SREK1IP1: variants seen among roughly 807,000 people sequenced by gnomAD.
The protein encoded by SREK1IP1 is protein SREK1IP1.
SREK1IP1 carries 12 observed loss-of-function variants against 22.8 expected under a neutral mutation model. The observed-to-expected ratio is 0.53, with a 90% CI of 0.34 to 0.85. The LOEUF is 0.85. SREK1IP1 is among the 40% of genes least tolerant of loss of function. The pLI, the probability that SREK1IP1 is intolerant of heterozygous loss-of-function variation, is 0.02. For synonymous variants in SREK1IP1, 53 were observed against 52.7 expected, an observed-to-expected ratio of 1.01 and a Z score of -0.02; for missense variants, 147 against 171.8, an observed-to-expected ratio of 0.86 and a Z score of 0.81.
At chr5:64,761,605 GA>G (rs1742953399) in intron 1 of SREK1IP1, among the ~76,000 whole-genome samples, 1 of 152,148 alleles carries the variant, frequency 6.6e-6, no homozygotes, top group Non-Finnish European at 1.5e-5. Flanking sequence ...CCTAAACATT[GA>G]AAAGGTACAG....
chr5:64,747,903 A>G (rs1230151991), intron 2 of SREK1IP1, among the ~76,000 whole-genome samples: 1 of 152,032 alleles, frequency 6.6e-6, no homozygotes, highest in East Asian at 1.9e-4. Context: ...ACTGCACTCC[A>G]GCCTGGGTGA....
At chr5:64,727,553 A>ATATATAT in intron 4 of SREK1IP1, 1 of 84,682 alleles carries the variant, frequency 1.2e-5, no homozygotes, top group African/African-American at 5.5e-5. Flanking sequence ...ATATATATAT[A>ATATATAT]TTTTTTTTTT....
At chr5:64,740,531 C>G (rs1195315171) in intron 3 of SREK1IP1, among the ~76,000 whole-genome samples, 2 of 152,054 alleles carry the variant, frequency 1.3e-5, no homozygotes, top group Non-Finnish European at 1.5e-5. Flanking sequence ...AAGGAAATAC[C>G]TGGGGAGCTG....
chr5:64,748,818 A>T (rs1742687931), intron 2 of SREK1IP1, among the ~76,000 whole-genome samples: 1 of 152,174 alleles, frequency 6.6e-6, no homozygotes, highest in South Asian at 2.1e-4. Context: ...AAGTGCCAGC[A>T]GAGGTTTGTA....
rs919747809 is a variant in SREK1IP1, at chr5:64,722,289, G to A, written c.*2095C>T. On this transcript the variant is annotated 3_prime_UTR_variant, in exon 5 of 5. Coordinates refer to ENST00000513458, the MANE Select transcript of SREK1IP1 (RefSeq NM_173829.4). ...CGAGGACTGACTTTTGCTCTTCTCA[G>A]TCATTATTGTGTCACCATTCAGAAA... 6.6e-6 allele frequency: 1 copy of A among 151,984 alleles called. No homozygotes were observed. The highest frequency in any genetic ancestry group is 1.5e-5 in the Non-Finnish European group (1 of 67,978). The allele number at this position is 151,984 out of a possible 1,614,324, so 9.4% of individuals were successfully genotyped here.
intron 2 of SREK1IP1, among the ~76,000 whole-genome samples, chr5:64,751,366 A>C (rs1175860239): frequency 6.6e-6 from 1 of 152,244 alleles, no homozygotes. Flanking sequence ...GGTCAACAAA[A>C]TATAAATGTG....
intron 3 of SREK1IP1, among the ~76,000 whole-genome samples, chr5:64,730,997 G>C (rs1742368269): frequency 6.6e-6 from 1 of 152,162 alleles, no homozygotes; most frequent in South Asian, 2.1e-4. Context: ...GAATGAAAGT[G>C]GTGGGTCAAT....
chr5:64,748,414 C>G (rs1421949605), intron 2 of SREK1IP1, among the ~76,000 whole-genome samples: 2 of 152,076 alleles, frequency 1.3e-5, no homozygotes, highest in African/African-American at 4.8e-5. Flanking sequence ...GATGGCTTTA[C>G]AACATTGTGA....
In SREK1IP1 at chr5:64,748,137, T is replaced by C. The variant is rs988741582; in HGVS notation, c.61+6178A>G. 1.2e-4 allele frequency among the ~76,000 whole-genome samples: 18 copies of C among 152,192 alleles called. 1 individual carries two copies. Among genetic ancestry groups the C allele is most frequent in the Admixed American group, 1.2e-3 (18 of 15,286 alleles). Reference sequence around the variant, plus strand: ...TGGAATGGATAAACAAAATGTGGTATATACATATAGAGAAATAATCCAGCC... The same window carrying C: ...TGGAATGGATAAACAAAATGTGGTACATACATATAGAGAAATAATCCAGCC... On this transcript the variant is annotated intron_variant, in intron 2 of 4. Coordinates refer to ENST00000513458, the MANE Select transcript of SREK1IP1 (RefSeq NM_173829.4).
chr5:64,763,340 C>T (rs964304110), intron 1 of SREK1IP1, among the ~76,000 whole-genome samples: 37 of 152,098 alleles, frequency 2.4e-4, no homozygotes, highest in African/African-American at 7.7e-4. Context: ...AGATCTAGAC[C>T]ATCCTGGCTA....
Position 64,722,714 on chromosome 5 carries a change from T to C in SREK1IP1, c.*1670A>G, listed in dbSNP as rs1742190771. The C allele has an allele frequency of 6.6e-6, 1 of 152,206 alleles. No individual in the cohort carries two copies. The highest frequency in any genetic ancestry group is 1.9e-4 in the East Asian group (1 of 5,196). The allele number at this position is 152,206 out of a possible 1,614,324, so 9.4% of individuals were successfully genotyped here. On this transcript the variant is annotated 3_prime_UTR_variant, in exon 5 of 5. Transcript: ENST00000513458. ...CTATTTAAACAAAAGCATTTCCTTT[T>C]GAGAGGCCCAAATGACTAAATTAGG...
At chr5:64,744,764 A>T (rs980239738) in intron 2 of SREK1IP1, among the ~76,000 whole-genome samples, 1 of 152,194 alleles carries the variant, frequency 6.6e-6, no homozygotes, top group Admixed American at 6.5e-5. Flanking sequence ...AATTTTTAAC[A>T]TTAATTTCTT....
intron 3 of SREK1IP1, among the ~76,000 whole-genome samples, chr5:64,729,448 A>G (rs1742338484): frequency 6.6e-6 from 1 of 152,222 alleles, no homozygotes; most frequent in Admixed American, 6.5e-5. Flanking sequence ...GCAACTATGA[A>G]TAAGAATGAA....
chr5:64,753,951 C>A (rs1053243171), intron 2 of SREK1IP1, among the ~76,000 whole-genome samples: 11 of 152,156 alleles, frequency 7.2e-5, no homozygotes, highest in Non-Finnish European at 1.2e-4. Flanking sequence ...AAAAAATCTT[C>A]ATAAATAGTT....
chr5:64,728,297 T>C (rs573906247), intron 3 of SREK1IP1, 118 bp from the exon 4 acceptor site: 24 of 967,208 alleles, frequency 2.5e-5, no homozygotes, highest in Middle Eastern at 2.8e-4. Flanking sequence ...TAGGATAATT[T>C]TTGTAATAAT....
chr5:64,754,251 T>C (rs1286747820), intron 2 of SREK1IP1, 64 bp downstream of exon 2: 1 of 1,508,542 alleles, frequency 6.6e-7, no homozygotes, highest in Admixed American at 1.7e-5. Context: ...TACATTATAT[T>C]GCCCAAAGAG....
At chr5:64,748,510 A>T (rs968584584) in intron 2 of SREK1IP1, among the ~76,000 whole-genome samples, 7 of 152,360 alleles carry the variant, frequency 4.6e-5, no homozygotes, top group South Asian at 2.1e-4. Context: ...ACAATTTTTT[A>T]AAAAAGCAAA....
rs1361504486 is a variant in SREK1IP1 at position 64,724,574 on chromosome 5, C to G, written c.279-1G>C. 2 of 1,552,082 alleles carry G rather than the reference C, an allele frequency of 1.3e-6. No homozygotes were observed. Among genetic ancestry groups the G allele is most frequent in the African/African-American group, 2.8e-5 (2 of 71,726 alleles). On this transcript the variant is annotated splice_acceptor_variant, in intron 4 of 4. Transcript: ENST00000513458. LOFTEE classifies it high-confidence loss of function. ...TTCAGTGGAACTGGATGAGTAAGAC[C>G]TATGGATAATAATACATACTGACTG...
chr5:64,727,836 T>C (rs1742301933), intron 4 of SREK1IP1: 1 of 204,424 alleles, frequency 4.9e-6, no homozygotes. Context: ...GCATGAGCCA[T>C]CGCACCTGGA....
Sources: allele counts gnomAD v4.1 joint callset (sites outside exome capture counted in the v4.1 genomes callset), GRCh38; gene constraint gnomAD v4.1.1; transcripts MANE v1.5; gene names NCBI Gene and HGNC (gene_info 2026-07-23, HGNC 2026-07-21).